Variants in SEL1L2 observed in about 807,000 individuals in gnomAD.
SEL1L2 encodes protein sel-1 homolog 2.
A neutral mutation model predicts 98.8 loss-of-function variants in SEL1L2; 89 were observed. The observed-to-expected ratio is 0.90, with a 90% CI of 0.76 to 1.07. The LOEUF (loss-of-function observed/expected upper bound fraction) is 1.07. SEL1L2 is among the 50% of genes least tolerant of loss of function. The pLI is 0.00. For synonymous variants in SEL1L2, 262 were observed against 278.5 expected (o/e 0.94, Z 0.59); for missense variants, 788 against 812.0 (o/e 0.97, Z 0.36).
chr20:13,978,097 C>A (rs2051634188), intron 1 of SEL1L2, among the ~76,000 whole-genome samples: 2 of 152,134 alleles, frequency 1.3e-5, no homozygotes, highest in Admixed American at 6.5e-5. Flanking sequence ...TACTTGACTT[C>A]AAAATATATT....
In SEL1L2 at chr20:13,864,971, TA is replaced by T. The variant is rs1990756587; in HGVS notation, c.1645+195del. ...TGGCTTGCTGAATCAGGGACCTTGA[TA>T]ATAATGGGGAAAATAAATTCCTGGA... is the stretch of plus-strand genomic sequence containing the variant. On this transcript the variant is annotated intron_variant, in intron 17 of 19. Coordinates refer to ENST00000284951, the MANE Select transcript of SEL1L2 (RefSeq NM_025229.2). Among the ~76,000 whole-genome samples, 3 of 152,240 alleles carry T rather than the reference TA, an allele frequency of 2.0e-5. No individual in the cohort carries two copies. The South Asian group carries it at 6.2e-4, about 32-fold the overall frequency.
At chr20:13,886,858 A>G (rs1331308982) in intron 8 of SEL1L2, among the ~76,000 whole-genome samples, 1 of 152,062 alleles carries the variant, frequency 6.6e-6, no homozygotes, top group Admixed American at 6.6e-5. Flanking sequence ...ACTGTGCTCC[A>G]ACATGGATGA....
At chr20:13,870,681 G>A (rs1418646635) in intron 12 of SEL1L2, among the ~76,000 whole-genome samples, 2 of 152,144 alleles carry the variant, frequency 1.3e-5, no homozygotes, top group Admixed American at 6.5e-5. Flanking sequence ...CCAGCACTTA[G>A]GGAGGCCAAG....
chr20:13,880,220 T>C (rs2147936724), intron 10 of SEL1L2, among the ~76,000 whole-genome samples: 1 of 152,352 alleles, frequency 6.6e-6, no homozygotes, highest in South Asian at 2.1e-4. Flanking sequence ...AGTTTAGTAA[T>C]TTGGCTCTCA....
chr20:13,928,721 C>T (rs144363550), intron 3 of SEL1L2, among the ~76,000 whole-genome samples: 6 of 152,102 alleles, frequency 3.9e-5, no homozygotes, highest in South Asian at 2.1e-4. Flanking sequence ...CTAATGAATT[C>T]GTTAATGCAA....
In SEL1L2 at chr20:13,849,373, C is replaced by A. The variant is rs1987829646; in HGVS notation, c.*112G>T. On this transcript the variant is annotated 3_prime_UTR_variant, in exon 20 of 20. Transcript: ENST00000284951. ...AGTCTTGTCTGTTTCCCATCACAGC[C>A]CTGAGCGGGAAACTGCAGCGGACTC... The A allele has an allele frequency of 2.2e-6, 3 of 1,365,892 alleles. No homozygotes were observed. The East Asian group carries it at 7.0e-5, about 32-fold the overall frequency. 84.6% of individuals were successfully genotyped at this position (1,365,892 alleles called of 1,614,324 possible).
chr20:13,912,660 G>T (rs2048254880), intron 5 of SEL1L2, among the ~76,000 whole-genome samples: 1 of 152,208 alleles, frequency 6.6e-6, no homozygotes, highest in African/African-American at 2.4e-5. Context: ...CACCATCTTT[G>T]GTCCTTCAGA....
intron 2 of SEL1L2, among the ~76,000 whole-genome samples, chr20:13,933,532 T>C (rs982513047): frequency 6.6e-6 from 1 of 152,212 alleles, no homozygotes; most frequent in Non-Finnish European, 1.5e-5. Flanking sequence ...GTGATTTTTG[T>C]GTGTGACTGG....
intron 3 of SEL1L2, among the ~76,000 whole-genome samples, chr20:13,930,003 C>T (rs768640850): frequency 6.6e-6 from 1 of 152,192 alleles, no homozygotes; most frequent in Non-Finnish European, 1.5e-5. Context: ...GTTGGCCAGG[C>T]TGGTCTCAAA....
At chr20:13,953,284 T>C (rs2148432627) in intron 2 of SEL1L2, among the ~76,000 whole-genome samples, 1 of 152,262 alleles carries the variant, frequency 6.6e-6, no homozygotes, top group East Asian at 1.9e-4. Context: ...TCTAATAACC[T>C]GGTTTGTCTC....
At chr20:13,951,276 C>CAAAAAAAAAAAAAAAA (rs764034768) in intron 2 of SEL1L2, among the ~76,000 whole-genome samples, 5 of 25,502 alleles carry the variant, frequency 2.0e-4, no homozygotes, top group Non-Finnish European at 3.4e-4. Flanking sequence ...GACTCCGTCT[C>CAAAAAAAAAAAAAAAA]AAAAAAAAAA....
intron 1 of SEL1L2, among the ~76,000 whole-genome samples, chr20:13,974,679 A>G (rs1394065687): frequency 6.6e-6 from 1 of 151,758 alleles, no homozygotes; most frequent in Non-Finnish European, 1.5e-5. Flanking sequence ...GGGTCTCACC[A>G]TGTTGGCCAG....
At chr20:13,958,104 C>G (rs965077979) in intron 1 of SEL1L2, among the ~76,000 whole-genome samples, 2 of 152,094 alleles carry the variant, frequency 1.3e-5, no homozygotes, top group African/African-American at 4.8e-5. Flanking sequence ...GCAATGTAGC[C>G]TCATGGTCTA....
rs115884256 is a variant in SEL1L2, at chr20:13,880,566, G to A, written c.958-2978C>T. Among the ~76,000 whole-genome samples the A allele has an allele frequency of 5.8e-3, 880 of 151,992 alleles. 18 individuals are homozygous for A. The highest frequency in any genetic ancestry group is 0.02 in the African/African-American group (830 of 41,458). ...TTGATGGATATACACGAGCCAACCT[G>A]AGTTCTTGCTCTTGAAGAGTTAAGA... On this transcript the variant is annotated intron_variant, in intron 10 of 19. Coordinates refer to ENST00000284951, the MANE Select transcript of SEL1L2 (RefSeq NM_025229.2).
chr20:13,878,782 C>A lies in SEL1L2; in HGVS notation c.958-1194G>T, dbSNP rs548272619. Among the ~76,000 whole-genome samples, 11 of 152,146 alleles carry A rather than the reference C, an allele frequency of 7.2e-5. No individual in the cohort carries two copies. The South Asian group carries it at 1.9e-3, about 26-fold the overall frequency. On this transcript the variant is annotated intron_variant, in intron 10 of 19. Transcript: ENST00000284951. ...CTGCTATATATAGGATAGTATGTTA[C>A]GTATTATAGATGATTCATAGATAAA...
At chr20:13,908,334 G>C (rs1264841862) in intron 5 of SEL1L2, among the ~76,000 whole-genome samples, 1 of 151,448 alleles carries the variant, frequency 6.6e-6, no homozygotes. Context: ...ATGTTGCCAG[G>C]GCTGGTCTTA....
chr20:13,902,912 T>C (rs2047746977), intron 5 of SEL1L2, among the ~76,000 whole-genome samples: 1 of 152,042 alleles, frequency 6.6e-6, no homozygotes, highest in African/African-American at 2.4e-5. Flanking sequence ...GGTCAAGAGA[T>C]CGAGACCATC....
At chr20:13,895,304 A>G (rs1204332646) in intron 5 of SEL1L2, among the ~76,000 whole-genome samples, 2 of 152,010 alleles carry the variant, frequency 1.3e-5, no homozygotes, top group Non-Finnish European at 2.9e-5. Flanking sequence ...TTAGCTGGGC[A>G]TGGTGGTGCA....
intron 13 of SEL1L2, 101 bp from the exon 14 acceptor site, chr20:13,869,691 G>A (rs1306073120): frequency 7.9e-6 from 6 of 757,296 alleles, no homozygotes; most frequent in Non-Finnish European, 1.4e-5. Flanking sequence ...TGCCCTATGT[G>A]ATTTAGGGTA....
Sources: allele counts gnomAD v4.1 joint callset (sites outside exome capture counted in the v4.1 genomes callset), GRCh38; gene constraint gnomAD v4.1.1; transcripts MANE v1.5; gene names NCBI Gene and HGNC (gene_info 2026-07-23, HGNC 2026-07-21).